The following PPP3CA variants were observed in gnomAD, a reference collection of about 807,000 sequenced individuals.
The protein encoded by PPP3CA is protein phosphatase 3 catalytic subunit alpha.
Under a neutral mutation model 66.5 loss-of-function variants are expected in PPP3CA, and 14 were observed. The ratio of observed to expected loss-of-function variants is 0.21; its 90% CI spans 0.14 to 0.33. The LOEUF (loss-of-function observed/expected upper bound fraction) is 0.33, where lower values mean the gene tolerates loss of function less well. Among genes scored for constraint, PPP3CA ranks in the 10% least tolerant of loss-of-function variants. The pLI, the probability that PPP3CA is intolerant of heterozygous loss-of-function variation, is 1.00. For synonymous variants in PPP3CA, 232 were observed against 226.2 expected (o/e 1.03, Z -0.23); for missense variants, 317 against 639.5 (o/e 0.50, Z 5.44).
intron 1 of PPP3CA, among the ~76,000 whole-genome samples, chr4:101,336,141 G>A (rs1729626709): frequency 6.6e-6 from 1 of 150,856 alleles, no homozygotes; most frequent in South Asian, 2.1e-4. Flanking sequence ...CTTGAATCCA[G>A]GAGGCGGAGC....
chr4:101,059,218 T>C (rs1728354530), intron 10 of PPP3CA, among the ~76,000 whole-genome samples: 1 of 152,126 alleles, frequency 6.6e-6, no homozygotes, highest in African/African-American at 2.4e-5. Flanking sequence ...ATGAAACATC[T>C]AGAATTTAGA....
chr4:101,030,940 G>T (rs1726921702), intron 12 of PPP3CA, among the ~76,000 whole-genome samples: 1 of 137,862 alleles, frequency 7.3e-6, no homozygotes, highest in African/African-American at 2.8e-5. Context: ...TATTTAATTT[G>T]GTAGAAAAAC....
chr4:101,138,935 T>G (rs1164147603), intron 2 of PPP3CA, among the ~76,000 whole-genome samples: 1 of 152,184 alleles, frequency 6.6e-6, no homozygotes, highest in Non-Finnish European at 1.5e-5. Flanking sequence ...TGTCAAAATA[T>G]TATGAAAACC....
intron 6 of PPP3CA, among the ~76,000 whole-genome samples, chr4:101,087,359 A>G (rs1334644955): frequency 6.6e-6 from 1 of 152,212 alleles, no homozygotes; most frequent in Non-Finnish European, 1.5e-5. Flanking sequence ...TCTATACAGA[A>G]AAAGGCAAAA....
At chr4:101,195,814 G>T (rs1724771006) in intron 2 of PPP3CA, 102 bp downstream of exon 2, 6 of 909,502 alleles carry the variant, frequency 6.6e-6, no homozygotes, top group Admixed American at 4.8e-5. Context: ...GATTATGATG[G>T]GTAAGGTATT....
rs1385558748 is a variant in PPP3CA, at chr4:101,099,719, C to A, written c.388G>T (p.Val130Leu). 6.8e-7 allele frequency: 1 copy of A among 1,481,010 alleles called. No individual in the cohort carries two copies. The highest frequency in any genetic ancestry group is 9.1e-7 in the Non-Finnish European group (1 of 1,102,428). 91.7% of individuals were successfully genotyped at this position (1,481,010 alleles called of 1,614,324 possible). ...ATTTTCAAGGCCCACAAATACAGCA[C>A]ACACTGAGAAAAATAAAAATAATAT... is the stretch of plus-strand genomic sequence containing the variant. ...VDRGYFSIEC[V>L]LYLWALKILY... The change falls in exon 4 of 14, where the codon GTG (valine) becomes TTG (leucine). Residue 130 changes from valine to leucine, a missense_variant. By Grantham distance (32) the Val-to-Leu change is conservative. Coordinates refer to ENST00000394854, the MANE Select transcript of PPP3CA (RefSeq NM_000944.5).
At chr4:101,287,567 C>T (rs1727884236) in intron 1 of PPP3CA, among the ~76,000 whole-genome samples, 1 of 152,138 alleles carries the variant, frequency 6.6e-6, no homozygotes, top group African/African-American at 2.4e-5. Flanking sequence ...TTCAGACACC[C>T]TGAGCAGCCT....
chr4:101,312,574 T>TG lies in PPP3CA; in HGVS notation c.58+34164dup, dbSNP rs528869855. Among the ~76,000 whole-genome samples the TG allele has an allele frequency of 1.5e-3, 232 of 152,246 alleles. 1 individual carries two copies. The highest frequency in any genetic ancestry group is 5.3e-3 in the African/African-American group (220 of 41,572). ...TATCTTTATTGTCAGACTGGCTGAA[T>TG]GGCCGTTCATTTTTCAAATGTTCAG... is the stretch of plus-strand genomic sequence containing the variant. On this transcript the variant is annotated intron_variant, in intron 1 of 13. Coordinates refer to ENST00000394854, the MANE Select transcript of PPP3CA (RefSeq NM_000944.5).
chr4:101,116,910 C>T (rs1025134186), intron 2 of PPP3CA, among the ~76,000 whole-genome samples: 1 of 151,590 alleles, frequency 6.6e-6, no homozygotes, highest in Non-Finnish European at 1.5e-5. Context: ...GAAAAAGTCT[C>T]TAAATCAAAT....
At chr4:101,034,832 T>C (rs529428268) in intron 11 of PPP3CA, among the ~76,000 whole-genome samples, 4 of 152,354 alleles carry the variant, frequency 2.6e-5, no homozygotes, top group African/African-American at 9.6e-5. Context: ...CATTGAATGA[T>C]AATATGAGTT....
intron 2 of PPP3CA, among the ~76,000 whole-genome samples, chr4:101,147,422 A>G (rs960708896): frequency 7.2e-5 from 11 of 152,176 alleles, no homozygotes; most frequent in African/African-American, 2.7e-4. Flanking sequence ...TGTATGATCA[A>G]AGAATTGAAA....
At chr4:101,251,427 T>C (rs1438086377) in intron 1 of PPP3CA, among the ~76,000 whole-genome samples, 1 of 152,094 alleles carries the variant, frequency 6.6e-6, no homozygotes, top group Non-Finnish European at 1.5e-5. Flanking sequence ...CACGCAGTAT[T>C]CTTAGTTGCT....
intron 1 of PPP3CA, among the ~76,000 whole-genome samples, chr4:101,308,930 C>T (rs182314523): frequency 2.0e-5 from 3 of 152,180 alleles, no homozygotes; most frequent in Non-Finnish European, 2.9e-5. Flanking sequence ...GGCATTGTGG[C>T]GCATGGGCAA....
Position 101,275,878 on chromosome 4 carries a change from TG to T in PPP3CA, c.58+70860del, listed in dbSNP as rs1216200590. Among the ~76,000 whole-genome samples the T allele has an allele frequency of 6.5e-3, 661 of 101,448 alleles. 10 individuals are homozygous for T. In the South Asian group the frequency reaches 0.091, roughly 14 times the overall value. The allele number at this position is 101,448 out of a possible 152,430, so 66.6% of individuals were successfully genotyped here. On this transcript the variant is annotated intron_variant, in intron 1 of 13. Transcript: ENST00000394854. ...TATGTGTGGTTTTTTTTTTGTTTTT[TG>T]TTTGTTTGTTTGTTTTTTGTTTTTT...
chr4:101,236,448 C>T (rs1726134657), intron 1 of PPP3CA, among the ~76,000 whole-genome samples: 1 of 151,798 alleles, frequency 6.6e-6, no homozygotes, highest in African/African-American at 2.4e-5. Flanking sequence ...GTGCTAGGCA[C>T]CAAACTAAAG....
intron 8 of PPP3CA, among the ~76,000 whole-genome samples, chr4:101,079,162 T>C (rs905113083): frequency 2.6e-5 from 4 of 152,128 alleles, no homozygotes; most frequent in Non-Finnish European, 4.4e-5. Flanking sequence ...AACAGGTGCT[T>C]GGGAATAAAG....
At chr4:101,128,453 G>C in intron 2 of PPP3CA, among the ~76,000 whole-genome samples, 1 of 151,586 alleles carries the variant, frequency 6.6e-6, no homozygotes, top group Non-Finnish European at 1.5e-5. Context: ...TTGATTCCTG[G>C]GCAAGATGGC....
At chr4:101,327,198 G>A (rs1014325026) in intron 1 of PPP3CA, among the ~76,000 whole-genome samples, 2 of 152,154 alleles carry the variant, frequency 1.3e-5, no homozygotes, top group Non-Finnish European at 2.9e-5. Context: ...CATTTTTTAA[G>A]AATATGGAGA....
chr4:101,332,344 A>G (rs755102188), intron 1 of PPP3CA, among the ~76,000 whole-genome samples: 12 of 152,224 alleles, frequency 7.9e-5, no homozygotes, highest in Non-Finnish European at 1.5e-4. Context: ...GGGAACATCA[A>G]CATTTAGGAT....
Sources: gnomAD v4.1 joint callset for allele counts (sites outside exome capture counted in the v4.1 genomes callset) on GRCh38, gnomAD v4.1.1 for gene constraint, MANE v1.5 for transcripts, NCBI Gene and HGNC (gene_info 2026-07-23, HGNC 2026-07-21) for gene names.